Variants in HPS5 observed in about 807,000 individuals in gnomAD.
The protein encoded by HPS5 is BLOC-2 complex member HPS5.
In HPS5, 83 loss-of-function variants were observed where a neutral mutation model predicts 128.0. The ratio of observed to expected loss-of-function variants is 0.65; its 90% CI spans 0.54 to 0.78. The LOEUF is 0.78. Among genes scored for constraint, HPS5 ranks in the 30% least tolerant of loss-of-function variants. The pLI, the probability that HPS5 is intolerant of heterozygous loss-of-function variation, is 0.00. For missense variants in HPS5, 1,281 were observed against 1,326.2 expected (o/e 0.97, Z 0.53); for synonymous variants, 475 against 470.2 (o/e 1.01, Z -0.13).
chr11:18,301,035 A>C, intron 8 of HPS5, 119 bp from the exon 9 acceptor site: 1 of 709,092 alleles, frequency 1.4e-6, no homozygotes, highest in Non-Finnish European at 2.6e-6. Context: ...AAGAAAACAC[A>C]AGAGTGATCC....
chr11:18,296,946 G>A lies in HPS5; in HGVS notation c.1362C>T (p.Ile454=). The A allele has an allele frequency of 1.9e-6, 3 of 1,606,124 alleles. No individual in the cohort carries two copies. Among genetic ancestry groups the A allele is most frequent in the Non-Finnish European group, 2.6e-6 (3 of 1,174,582 alleles). Residue 454 remains isoleucine, a synonymous_variant, in exon 12 of 23, where the codon ATC becomes ATT. Coordinates refer to ENST00000349215, the MANE Select transcript of HPS5 (RefSeq NM_181507.2). ...FSILDSGIYR[I]ISSRRGSQSD... is the part of the protein sequence containing the mutation. ...ACTGACTGCCTCTTCTACTACTAAT[G>A]ATACGATAAATACCAGAGTCCAAGA...
intron 4 of HPS5, 23 bp from the exon 5 acceptor site, chr11:18,310,956 G>A: frequency 6.3e-7 from 1 of 1,594,076 alleles, no homozygotes; most frequent in Non-Finnish European, 8.6e-7. Flanking sequence ...AGTCACAGAG[G>A]CAAACGTGGC....
At chr11:18,284,557 G>A (rs1859437812) in intron 20 of HPS5, among the ~76,000 whole-genome samples, 1 of 152,182 alleles carries the variant, frequency 6.6e-6, no homozygotes, top group African/African-American at 2.4e-5. Context: ...TTTGCACCAA[G>A]TAGTTCAGTC....
chr11:18,300,705 A>G, intron 9 of HPS5, 123 bp downstream of exon 9: 1 of 508,186 alleles, frequency 2.0e-6, no homozygotes, highest in Non-Finnish European at 3.6e-6. Flanking sequence ...TCAAAAAAAA[A>G]AAAAAAAAAA....
chr11:18,287,475 A>G (rs1156411926), intron 18 of HPS5, 60 bp downstream of exon 18: 1 of 1,572,358 alleles, frequency 6.4e-7, no homozygotes, highest in African/African-American at 1.3e-5. Context: ...CCTGCTTATA[A>G]AAGAGAAACA....
chr11:18,315,184 G>A (rs1863470530), intron 2 of HPS5, among the ~76,000 whole-genome samples: 1 of 152,144 alleles, frequency 6.6e-6, no homozygotes, highest in South Asian at 2.1e-4. Context: ...CCCAAAATAG[G>A]GAGCTTTGAC....
intron 8 of HPS5, among the ~76,000 whole-genome samples, chr11:18,301,962 T>C (rs1861761263): frequency 1.3e-5 from 2 of 152,122 alleles, no homozygotes; most frequent in South Asian, 2.1e-4. Flanking sequence ...TTATCTTCAC[T>C]AACCTACTCA....
chr11:18,304,389 G>T (rs1028412565), intron 8 of HPS5, among the ~76,000 whole-genome samples: 19 of 151,930 alleles, frequency 1.3e-4, no homozygotes, highest in African/African-American at 4.6e-4. Context: ...GCTAATTTTT[G>T]TATTTTTAGT....
At chr11:18,287,758 G>A in intron 17 of HPS5, 68 bp from the exon 18 acceptor site, 1 of 1,593,188 alleles carries the variant, frequency 6.3e-7, no homozygotes, top group Non-Finnish European at 8.6e-7. Context: ...TTACATTTAG[G>A]TTACTTATTA....
rs768548903 is a variant in HPS5 at position 18,311,874 on chromosome 11, G to GA, written c.219+39dup. ...TGGAGAAATTTGCATTTATGAAAGA[G>GA]ACTCCAAATGGTGTATGACAGAGCT... On this transcript the variant is annotated intron_variant, in intron 3 of 22. Coordinates refer to ENST00000349215, the MANE Select transcript of HPS5 (RefSeq NM_181507.2). 6 of 1,253,312 alleles carry GA rather than the reference G, an allele frequency of 4.8e-6. No individual in the cohort carries two copies. In the Admixed American group the frequency reaches 1.0e-4, roughly 21 times the overall value. 77.6% of individuals were successfully genotyped at this position (1,253,312 alleles called of 1,614,324 possible). A position where few individuals can be genotyped will look rare whatever the true frequency, so the allele number is the denominator to read the frequency against.
At chr11:18,309,223 A>T in intron 5 of HPS5, 144 bp from the exon 6 acceptor site, 3 of 776,140 alleles carry the variant, frequency 3.9e-6, no homozygotes. Context: ...GCTTGTAAGG[A>T]TATCAAAGTT....
chr11:18,286,909 AG>A (rs1343990842), intron 18 of HPS5, 199 bp from the exon 19 acceptor site: 12 of 616,374 alleles, frequency 1.9e-5, no homozygotes, highest in South Asian at 3.9e-5. Flanking sequence ...GGGCCAAAAA[AG>A]AAAAAAAAAA....
Position 18,298,878 on chromosome 11 carries a change from A to G in HPS5, c.1078T>C (p.Cys360Arg). ...CCTCTTCTTAGCAGGCGTTCCACACAGCGCTCCACAGATATCAGGGAGAGA... is the reference window on the plus strand; with the variant it reads ...CCTCTTCTTAGCAGGCGTTCCACACGGCGCTCCACAGATATCAGGGAGAGA... Reference protein sequence around the residue: ...SHLSLISVERCVERLLRRGLW... With the variant: ...SHLSLISVERRVERLLRRGLW... Residue 360 changes from cysteine to arginine, a missense_variant, in exon 10 of 23, where the codon TGT becomes CGT. Cys to Arg is a radical substitution (Grantham distance 180). Coordinates refer to ENST00000349215, the MANE Select transcript of HPS5 (RefSeq NM_181507.2). 1 of 1,614,216 alleles carries G rather than the reference A, an allele frequency of 6.2e-7. No homozygotes were observed. Among genetic ancestry groups the G allele is most frequent in the Non-Finnish European group, 8.5e-7 (1 of 1,180,026 alleles).
In HPS5 at chr11:18,293,065, A is replaced by C. The variant is rs1056389608; in HGVS notation, c.1785-89T>G. 4.1e-6 allele frequency: 4 copies of C among 985,976 alleles called. No homozygotes were observed. The African/African-American group carries it at 6.4e-5, about 16-fold the overall frequency. The allele number at this position is 985,976 out of a possible 1,614,324, so 61.1% of individuals were successfully genotyped here. A position where few individuals can be genotyped will look rare whatever the true frequency, so the allele number is the denominator to read the frequency against. On this transcript the variant is annotated intron_variant, in intron 14 of 22. Coordinates refer to ENST00000349215, the MANE Select transcript of HPS5 (RefSeq NM_181507.2). ...GAGACAGGGTCTCACTCTGTCACCCAGGCTGCAGTGCAGTGACGTGATCTC... is the reference window on the plus strand; with the variant it reads ...GAGACAGGGTCTCACTCTGTCACCCCGGCTGCAGTGCAGTGACGTGATCTC...
chr11:18,282,469 T>C (rs1859131700), intron 21 of HPS5, among the ~76,000 whole-genome samples: 1 of 151,848 alleles, frequency 6.6e-6, no homozygotes, highest in African/African-American at 2.4e-5. Flanking sequence ...CTCACTACCA[T>C]GTTGCCCAGG....
intron 5 of HPS5, 136 bp downstream of exon 5, chr11:18,310,605 T>C (rs1862861232): frequency 2.7e-6 from 2 of 734,770 alleles, no homozygotes; most frequent in East Asian, 5.0e-5. Context: ...ACAGGTCTCC[T>C]CAAAATCTCC....
At chr11:18,311,869 A>G in intron 3 of HPS5, 45 bp downstream of exon 3, 1 of 1,248,232 alleles carries the variant, frequency 8.0e-7, no homozygotes, top group South Asian at 1.2e-5. Flanking sequence ...TGCATTTATG[A>G]AAGAGACTCC....
At position 18,317,890 on chromosome 11, in the gene HPS5, A is replaced by G; in HGVS notation, c.-32T>C. ...AGAAAGCTGAAACTTGTTGAATGAT[A>G]GATACAGTATTCCTCACCTGAATAA... On this transcript the variant is annotated 5_prime_UTR_variant, in exon 2 of 23. Transcript: ENST00000349215. The G allele has an allele frequency of 6.2e-7, 1 of 1,604,206 alleles. No individual in the cohort carries two copies. Among genetic ancestry groups the G allele is most frequent in the Non-Finnish European group, 8.5e-7 (1 of 1,173,670 alleles).
intron 2 of HPS5, 37 bp from the exon 3 acceptor site, chr11:18,312,061 G>C: frequency 2.8e-6 from 4 of 1,445,306 alleles, no homozygotes; most frequent in Non-Finnish European, 3.9e-6. Flanking sequence ...GATAATCACA[G>C]CTACTTAACC....
Sources: gnomAD v4.1 joint callset for allele counts (sites outside exome capture counted in the v4.1 genomes callset) on GRCh38, gnomAD v4.1.1 for gene constraint, MANE v1.5 for transcripts, NCBI Gene and HGNC (gene_info 2026-07-23, HGNC 2026-07-21) for gene names.